Variants in NAALADL2 observed in about 807,000 individuals in gnomAD.
NAALADL2 encodes the protein inactive N-acetylated-alpha-linked acidic dipeptidase-like protein 2.
Under a neutral mutation model 87.2 loss-of-function variants are expected in NAALADL2, and 76 were observed. That is an observed-to-expected ratio of 0.87 (90% CI 0.72 to 1.05). The LOEUF is 1.05. NAALADL2 is among the 50% of genes least tolerant of loss of function. NAALADL2 has a pLI of 0.00. For missense variants in NAALADL2, 1,089 were observed against 945.8 expected (o/e 1.15, Z -1.99); for synonymous variants, 354 against 331.0 (o/e 1.07, Z -0.75).
At chr3:175,054,598 C>T (rs1711714396) in intron 1 of NAALADL2, among the ~76,000 whole-genome samples, 1 of 152,180 alleles carries the variant, frequency 6.6e-6, no homozygotes, top group African/African-American at 2.4e-5. Flanking sequence ...TACAGTTTCT[C>T]TTCACTTAGC....
chr3:174,828,903 G>T (rs1309834097), intron 3 of NAALADL2, among the ~76,000 whole-genome samples: 1 of 152,084 alleles, frequency 6.6e-6, no homozygotes, highest in African/African-American at 2.4e-5. Context: ...GATAAGGGAG[G>T]ATCACTGTGA....
intron 2 of NAALADL2, among the ~76,000 whole-genome samples, chr3:174,652,636 C>T (rs1404132898): frequency 2.0e-5 from 3 of 152,158 alleles, no homozygotes; most frequent in Admixed American, 6.5e-5. Flanking sequence ...TTACCTCCCA[C>T]AGGTCCCTCC....
intron 1 of NAALADL2, among the ~76,000 whole-genome samples, chr3:174,886,849 C>G (rs61570424): frequency 0.056 from 8,522 of 152,176 alleles, 749 homozygotes; most frequent in African/African-American, 0.19. Context: ...CCTACTTCTC[C>G]TTTTATATTA....
At chr3:175,194,701 T>A (rs1738716895) in intron 2 of NAALADL2, among the ~76,000 whole-genome samples, 1 of 151,884 alleles carries the variant, frequency 6.6e-6, no homozygotes, top group African/African-American at 2.4e-5. Context: ...TTAATAATTA[T>A]GGCTCAGTTG....
rs6777762 is a variant in NAALADL2 at position 175,780,831 on chromosome 3, G to A, written c.2190-22174G>A. ...ATAGGCATCATTAAAAATGTTCTGC[G>A]ATAAATATAGCAATATCACAATTAT... On this transcript the variant is annotated intron_variant, in intron 13 of 13. Coordinates refer to ENST00000454872, the MANE Select transcript of NAALADL2 (RefSeq NM_207015.3). Among the ~76,000 whole-genome samples, 1,357 of 152,212 alleles carry A rather than the reference G, an allele frequency of 8.9e-3. 19 individuals are homozygous for A. The highest frequency in any genetic ancestry group is 0.031 in the African/African-American group (1,294 of 41,538).
rs184106551 is a variant in NAALADL2, at chr3:175,314,940, G to A, written c.940-9235G>A. Among the ~76,000 whole-genome samples, 418 of 151,876 alleles carry A rather than the reference G, an allele frequency of 2.8e-3. 2 individuals are homozygous for A. Among genetic ancestry groups the A allele is most frequent in the African/African-American group, 9.8e-3 (404 of 41,418 alleles). On this transcript the variant is annotated intron_variant, in intron 4 of 13. Coordinates refer to ENST00000454872, the MANE Select transcript of NAALADL2 (RefSeq NM_207015.3). Reference sequence around the variant, plus strand: ...ACTCTATGAGGCATTGGGTAGAAAAGATGAAGCTATAAGGTTCCTGCTTCA... The same window carrying A: ...ACTCTATGAGGCATTGGGTAGAAAAAATGAAGCTATAAGGTTCCTGCTTCA...
intron 13 of NAALADL2, among the ~76,000 whole-genome samples, chr3:175,793,233 C>G (rs926053502): frequency 6.6e-6 from 1 of 151,194 alleles, no homozygotes; most frequent in Non-Finnish European, 1.5e-5. Flanking sequence ...CTTTGTACTA[C>G]GTGACAATGA....
chr3:175,606,268 G>A (rs1240661302), intron 10 of NAALADL2, among the ~76,000 whole-genome samples: 1 of 152,104 alleles, frequency 6.6e-6, no homozygotes, highest in Non-Finnish European at 1.5e-5. Context: ...AGTTTGATGA[G>A]GGATACTTGA....
intron 1 of NAALADL2, among the ~76,000 whole-genome samples, chr3:175,064,791 G>C (rs1488989588): frequency 6.6e-6 from 1 of 152,122 alleles, no homozygotes; most frequent in Non-Finnish European, 1.5e-5. Flanking sequence ...GGAGGGGCCA[G>C]TGAAAACTCT....
chr3:175,803,218 T>C lies in NAALADL2; in HGVS notation c.*15T>C. On this transcript the variant is annotated 3_prime_UTR_variant, in exon 14 of 14. Transcript: ENST00000454872. ...GGAAGAATTGAGAAAACTCTGAGCA[T>C]TTTTAAAAGTTTGTTTACAATTCCA... 2.6e-6 allele frequency: 4 copies of C among 1,559,020 alleles called. No homozygotes were observed. Among genetic ancestry groups the C allele is most frequent in the Non-Finnish European group, 3.5e-6 (4 of 1,149,470 alleles).
intron 10 of NAALADL2, among the ~76,000 whole-genome samples, chr3:175,617,957 C>T (rs1343536482): frequency 1.3e-5 from 2 of 152,084 alleles, no homozygotes; most frequent in Non-Finnish European, 1.5e-5. Flanking sequence ...CATCGGGGTC[C>T]CATGTAGGGT....
chr3:174,741,167 A>G (rs1347846956), intron 3 of NAALADL2, among the ~76,000 whole-genome samples: 1 of 151,728 alleles, frequency 6.6e-6, no homozygotes, highest in African/African-American at 2.4e-5. Context: ...GTCTTATCCA[A>G]ATACAGAAGA....
chr3:175,512,375 C>A (rs1731282067), intron 9 of NAALADL2, among the ~76,000 whole-genome samples: 1 of 151,980 alleles, frequency 6.6e-6, no homozygotes, highest in South Asian at 2.1e-4. Context: ...AATGATATCA[C>A]CAATTTAATA....
chr3:175,269,679 T>G (rs2109994681), intron 4 of NAALADL2, among the ~76,000 whole-genome samples: 1 of 152,358 alleles, frequency 6.6e-6, no homozygotes, highest in Middle Eastern at 3.4e-3. Context: ...GGTAAGTAAC[T>G]GCTTCTCAGG....
intron 10 of NAALADL2, among the ~76,000 whole-genome samples, chr3:175,591,720 T>G (rs539591051): frequency 6.6e-6 from 1 of 150,930 alleles, no homozygotes; most frequent in South Asian, 2.1e-4. Context: ...TTTAACATTT[T>G]AATTATTTTT....
At chr3:175,651,361 A>C (rs1045590090) in intron 11 of NAALADL2, among the ~76,000 whole-genome samples, 1 of 152,146 alleles carries the variant, frequency 6.6e-6, no homozygotes, top group Non-Finnish European at 1.5e-5. Context: ...TTTTTACTCT[A>C]TGTTATGGGC....
At position 175,362,104 on chromosome 3, in the gene NAALADL2, C is replaced by T. The variant is rs181697065; in HGVS notation, c.1090+37779C>T. On this transcript the variant is annotated intron_variant, in intron 5 of 13. Coordinates refer to ENST00000454872, the MANE Select transcript of NAALADL2 (RefSeq NM_207015.3). ...TACATATGGCTAGCCAATTTTCCAG[C>T]GCCATTTATTAAATGAGGAATCCTT... Among the ~76,000 whole-genome samples the T allele has an allele frequency of 6.2e-3, 912 of 148,212 alleles. 99 individuals are homozygous for T. Among genetic ancestry groups the T allele is most frequent in the Non-Finnish European group, 6.0e-3 (401 of 66,614 alleles).
At chr3:175,555,628 TGTATA>T (rs1715146137) in intron 9 of NAALADL2, among the ~76,000 whole-genome samples, 1 of 151,188 alleles carries the variant, frequency 6.6e-6, no homozygotes, top group South Asian at 2.1e-4. Flanking sequence ...ACTTAGCACA[TGTATA>T]GTAAATAGCT....
chr3:174,925,442 G>T (rs535446361), intron 1 of NAALADL2, among the ~76,000 whole-genome samples: 97 of 152,210 alleles, frequency 6.4e-4, no homozygotes, highest in African/African-American at 2.2e-3. Context: ...CTCTGTTTTG[G>T]TACCAGTACC....
Sources: gnomAD v4.1 joint callset for allele counts (sites outside exome capture counted in the v4.1 genomes callset) on GRCh38, gnomAD v4.1.1 for gene constraint, MANE v1.5 for transcripts, NCBI Gene and HGNC (gene_info 2026-07-23, HGNC 2026-07-21) for gene names.